The following GATA4 variants were observed in gnomAD, a reference collection of about 807,000 sequenced individuals.
The protein encoded by GATA4 is transcription factor GATA-4.
In GATA4, 7 loss-of-function variants were observed where a neutral mutation model predicts 37.9. That is an observed-to-expected ratio of 0.18 (90% CI 0.11 to 0.35). The LOEUF is 0.35. GATA4 is among the 10% of genes least tolerant of loss of function. GATA4 has a pLI of 1.00. For missense variants in GATA4, 647 were observed against 653.0 expected (o/e 0.99, Z 0.10); for synonymous variants, 372 against 292.6 (o/e 1.27, Z -2.77).
At chr8:11,740,261 G>T (rs143247232) in intron 2 of GATA4, among the ~76,000 whole-genome samples, 40 of 152,352 alleles carry the variant, frequency 2.6e-4, no homozygotes, top group African/African-American at 9.4e-4. Flanking sequence ...ACACAGAGAG[G>T]AGGGATCAGC....
At chr8:11,725,284 GA>G (rs1290080737) in intron 2 of GATA4, among the ~76,000 whole-genome samples, 1 of 152,252 alleles carries the variant, frequency 6.6e-6, no homozygotes, top group Non-Finnish European at 1.5e-5. Context: ...GCTGGGTGGA[GA>G]AAGTCTGGAG....
rs751566432 is a variant in GATA4, at chr8:11,711,624, T to TA, written c.616+2702dup. Reference sequence around the variant, plus strand: ...GAGACCCCATCCCTACAAATCATTTTAAAAAATTAGCCAGGCTTGGGGTGG... The same window carrying TA: ...GAGACCCCATCCCTACAAATCATTTTAAAAAAATTAGCCAGGCTTGGGGTGG... On this transcript the variant is annotated intron_variant, in intron 2 of 6. Transcript: ENST00000532059. 3.8e-4 allele frequency among the ~76,000 whole-genome samples: 57 copies of TA among 151,820 alleles called. 1 individual carries two copies. The highest frequency in any genetic ancestry group is 6.3e-4 in the Non-Finnish European group (43 of 67,930).
intron 1 of GATA4, among the ~76,000 whole-genome samples, chr8:11,693,917 CTGTGTGCATG>C (rs1563190719): frequency 6.6e-6 from 1 of 152,124 alleles, no homozygotes; most frequent in African/African-American, 2.4e-5. Context: ...GTGTGTGCGT[CTGTGTGCATG>C]TGTGTGCATG....
chr8:11,713,193 T>A (rs1299185179), intron 2 of GATA4, among the ~76,000 whole-genome samples: 1 of 152,092 alleles, frequency 6.6e-6, no homozygotes, highest in Non-Finnish European at 1.5e-5. Flanking sequence ...TGAACTTAGG[T>A]TGGAAGAAAT....
chr8:11,690,756 C>T (rs1346148994), upstream of GATA4, among the ~76,000 whole-genome samples: 3 of 152,272 alleles, frequency 2.0e-5, no homozygotes, highest in Middle Eastern at 3.4e-3. Context: ...CTGTACTCCT[C>T]GCTACTCCGG....
intron 1 of GATA4, chr8:11,697,818 G>T: frequency 1.0e-6 from 1 of 985,474 alleles, no homozygotes; most frequent in Non-Finnish European, 1.2e-6. Flanking sequence ...GTGCCGGGCC[G>T]GTGGGGCGTT....
intron 5 of GATA4, among the ~76,000 whole-genome samples, chr8:11,755,421 A>G (rs563843873): frequency 5.3e-5 from 8 of 152,256 alleles, no homozygotes; most frequent in Non-Finnish European, 7.3e-5. Flanking sequence ...CCTGCAGGAA[A>G]GAGGAACTTT....
intron 1 of GATA4, among the ~76,000 whole-genome samples, chr8:11,681,802 C>G (rs1464426123): frequency 6.6e-6 from 1 of 152,140 alleles, no homozygotes; most frequent in Non-Finnish European, 1.5e-5. Context: ...GCCTGCCTGT[C>G]TTCTTTCCCG....
rs1350803700 is a variant in GATA4, at chr8:11,748,937, C to T, written c.638C>T (p.Ser213Leu). ...TCAGTAGATATGTTTGACGACTTCTCAGAAGGCAGAGAGTGTGTCAACTGT... is the reference window on the plus strand; with the variant it reads ...TCAGTAGATATGTTTGACGACTTCTTAGAAGGCAGAGAGTGTGTCAACTGT... ...PNLVDMFDDF[S>L]EGRECVNCGA... Residue 213 changes from serine to leucine, a missense_variant, in exon 3 of 7, where the codon TCA becomes TTA. By Grantham distance (145) the Ser-to-Leu change is moderately radical. Coordinates refer to ENST00000532059, the MANE Select transcript of GATA4 (RefSeq NM_001308093.3). 1 of 1,614,246 alleles carries T rather than the reference C, an allele frequency of 6.2e-7. No homozygotes were observed. The highest frequency in any genetic ancestry group is 2.2e-5 in the East Asian group (1 of 44,890).
intron 2 of GATA4, among the ~76,000 whole-genome samples, chr8:11,720,605 C>G (rs1361836152): frequency 6.6e-6 from 1 of 152,202 alleles, no homozygotes; most frequent in African/African-American, 2.4e-5. Context: ...TCCTCCCACC[C>G]TCCACTCTCA....
At chr8:11,744,963 C>T (rs1387252069) in intron 2 of GATA4, among the ~76,000 whole-genome samples, 1 of 152,192 alleles carries the variant, frequency 6.6e-6, no homozygotes, top group African/African-American at 2.4e-5. Context: ...TATTGATATT[C>T]AAATCCAATT....
chr8:11,712,688 T>C (rs1334456853), intron 2 of GATA4, among the ~76,000 whole-genome samples: 2 of 103,220 alleles, frequency 1.9e-5, no homozygotes, highest in East Asian at 2.5e-4. Context: ...AGACCACATC[T>C]CTAAAAAAAA....
chr8:11,756,902 T>A, intron 5 of GATA4, 33 bp from the exon 6 acceptor site: 1 of 1,614,170 alleles, frequency 6.2e-7, no homozygotes, highest in South Asian at 1.1e-5. Flanking sequence ...TCCCTGCCGC[T>A]GATTTGGGTG....
At chr8:11,682,832 C>T (rs969213827) in intron 1 of GATA4, among the ~76,000 whole-genome samples, 5 of 152,086 alleles carry the variant, frequency 3.3e-5, no homozygotes, top group Non-Finnish European at 7.3e-5. Flanking sequence ...GGAGTGTGGT[C>T]CAATAGTCCT....
intron 2 of GATA4, among the ~76,000 whole-genome samples, chr8:11,740,692 C>G (rs1212237553): frequency 2.0e-5 from 3 of 151,906 alleles, no homozygotes; most frequent in Non-Finnish European, 4.4e-5. Flanking sequence ...AAATGTAGAG[C>G]TCACTGCAGT....
intron 2 of GATA4, among the ~76,000 whole-genome samples, chr8:11,738,770 A>C (rs1389542136): frequency 6.6e-6 from 1 of 152,200 alleles, no homozygotes; most frequent in Non-Finnish European, 1.5e-5. Flanking sequence ...ATCAATGCCC[A>C]GGGTGTCTGC....
At chr8:11,722,357 G>A (rs1800716173) in intron 2 of GATA4, among the ~76,000 whole-genome samples, 1 of 152,100 alleles carries the variant, frequency 6.6e-6, no homozygotes, top group Admixed American at 6.5e-5. Context: ...TGAAAAGTAC[G>A]AGGACTCTTT....
chr8:11,693,550 CACACACACACACAGAGAG>C (rs1247210241), intron 1 of GATA4, among the ~76,000 whole-genome samples: 2 of 115,674 alleles, frequency 1.7e-5, no homozygotes, highest in African/African-American at 6.7e-5. Flanking sequence ...CACACACACA[CACACACACACACAGAGAG>C]AGAGAGAGAG....
chr8:11,749,082 G>T lies in GATA4; in HGVS notation c.783G>T (p.Arg261=). ...INRPLIKPQR[R]LSASRRVGLS... is the part of the protein sequence containing the mutation. ...GGCCGCTCATCAAGCCTCAGCGCCG[G>T]CTGGTAAGCACGTGCCTCGCAGCCT... Residue 261 remains arginine (R), a synonymous_variant, in exon 3 of 7, where the codon CGG becomes CGT. Coordinates refer to ENST00000532059, the MANE Select transcript of GATA4 (RefSeq NM_001308093.3). This position sits in a 1 kb window ranked among gnomAD's most constrained non-coding sequence, Gnocchi z 4.6. 1 of 1,614,132 alleles carries T rather than the reference G, an allele frequency of 6.2e-7. No individual in the cohort carries two copies. Among genetic ancestry groups the T allele is most frequent in the Non-Finnish European group, 8.5e-7 (1 of 1,180,000 alleles).
Sources: allele counts gnomAD v4.1 joint callset (sites outside exome capture counted in the v4.1 genomes callset), GRCh38; gene constraint gnomAD v4.1.1; non-coding constraint Gnocchi (gnomAD v3.1); transcripts MANE v1.5; gene names NCBI Gene and HGNC (gene_info 2026-07-23, HGNC 2026-07-21).